SLC28A3: variants seen among roughly 807,000 people sequenced by gnomAD.
SLC28A3 encodes the protein solute carrier family 28 member 3.
SLC28A3 carries 68 observed loss-of-function variants against 84.2 expected under a neutral mutation model. The observed-to-expected ratio is 0.81, with a 90% CI of 0.66 to 0.99. The LOEUF (loss-of-function observed/expected upper bound fraction) is 0.99. Ranked by LOEUF, SLC28A3 falls within the 50% of genes least tolerant of loss-of-function variation. The pLI is 0.00. For missense variants in SLC28A3, 712 were observed against 841.5 expected (o/e 0.85, Z 1.90); for synonymous variants, 267 against 303.6 (o/e 0.88, Z 1.25).
chr9:84,297,772 T>C, intron 7 of SLC28A3, 134 bp downstream of exon 7: 1 of 737,790 alleles, frequency 1.4e-6, no homozygotes, highest in Non-Finnish European at 2.3e-6. Context: ...AAACTATTTG[T>C]CTAACCCATG....
intron 12 of SLC28A3, among the ~76,000 whole-genome samples, chr9:84,286,412 C>T (rs957923834): frequency 7.4e-5 from 11 of 149,394 alleles, no homozygotes; most frequent in African/African-American, 2.7e-4. Context: ...CCTTCCTCAG[C>T]CTCCTGAATA....
At chr9:84,357,747 A>G in the SLC28A3 span, among the ~76,000 whole-genome samples, 3 of 152,164 alleles carry the variant, frequency 2.0e-5, no homozygotes, top group South Asian at 2.1e-4. Context: ...AAAATAGCCC[A>G]TGAGGCTCAG....
At chr9:84,313,270 C>T (rs569101780) in intron 2 of SLC28A3, 89 bp downstream of exon 2, 25 of 1,087,680 alleles carry the variant, frequency 2.3e-5, no homozygotes, top group East Asian at 1.4e-4. Flanking sequence ...GCCAGTGGGG[C>T]GCCATGCTTT....
chr9:84,310,416 C>T, intron 2 of SLC28A3: 1 of 985,420 alleles, frequency 1.0e-6, no homozygotes, highest in Non-Finnish European at 1.2e-6. Flanking sequence ...TCCTACCTGT[C>T]TCCAGTCTCC....
At chr9:84,354,405 A>G in the SLC28A3 span, among the ~76,000 whole-genome samples, 1 of 152,244 alleles carries the variant, frequency 6.6e-6, no homozygotes, top group Non-Finnish European at 1.5e-5. Context: ...TACACCTAGG[A>G]CTTCTTGTGC....
At chr9:84,340,177 G>A (rs1827109065) in intron 1 of SLC28A3, among the ~76,000 whole-genome samples, 1 of 152,084 alleles carries the variant, frequency 6.6e-6, no homozygotes, top group African/African-American at 2.4e-5. Context: ...CATCTGACAG[G>A]GGCTCCAGGA....
chr9:84,326,000 G>T (rs1331168053), intron 1 of SLC28A3, among the ~76,000 whole-genome samples: 1 of 152,136 alleles, frequency 6.6e-6, no homozygotes, highest in Non-Finnish European at 1.5e-5. Context: ...CCTTGTGTGG[G>T]GTAGAAGTAG....
chr9:84,309,523 C>CAAAAAAAAAAAA (rs71366931), intron 3 of SLC28A3, 106 bp downstream of exon 3: 22 of 239,282 alleles, frequency 9.2e-5, no homozygotes, highest in African/African-American at 1.6e-4. Context: ...ACTCTTATCT[C>CAAAAAAAAAAAA]AAAAAAAAAA....
At chr9:84,354,888 G>A in the SLC28A3 span, among the ~76,000 whole-genome samples, 1 of 151,418 alleles carries the variant, frequency 6.6e-6, no homozygotes, top group African/African-American at 2.4e-5. Context: ...AAAGAAAAAA[G>A]GAAACTCTGA....
At chr9:84,281,450 ATAC>A (rs1234565739) in intron 14 of SLC28A3, among the ~76,000 whole-genome samples, 2 of 152,350 alleles carry the variant, frequency 1.3e-5, no homozygotes, top group Non-Finnish European at 2.9e-5. Flanking sequence ...CCACAATGAG[ATAC>A]TACTATGCCT....
At chr9:84,278,498 A>C in intron 17 of SLC28A3, 154 bp from the exon 18 acceptor site, 1 of 952,440 alleles carries the variant, frequency 1.0e-6, no homozygotes, top group Non-Finnish European at 1.5e-6. Context: ...ACACTGGGGA[A>C]TTTGTTTTGG....
chr9:84,300,644 GA>G (rs1825593034), intron 5 of SLC28A3, among the ~76,000 whole-genome samples: 2 of 152,214 alleles, frequency 1.3e-5, no homozygotes, highest in African/African-American at 4.8e-5. Context: ...TTGAGGGAGA[GA>G]ACTGGTCTTG....
intron 1 of SLC28A3, among the ~76,000 whole-genome samples, chr9:84,337,046 A>C (rs560843533): frequency 6.6e-6 from 1 of 152,086 alleles, no homozygotes; most frequent in East Asian, 1.9e-4. Context: ...TAATCCCAGC[A>C]CTTTGGAAGG....
chr9:84,280,999 C>T (rs1294573194), intron 14 of SLC28A3, 117 bp from the exon 15 acceptor site: 1 of 943,394 alleles, frequency 1.1e-6, no homozygotes, highest in Admixed American at 2.2e-5. Flanking sequence ...ATGCACAGTC[C>T]ATGGTATCAA....
intron 15 of SLC28A3, 78 bp downstream of exon 15, chr9:84,280,723 T>A: frequency 6.9e-7 from 1 of 1,449,058 alleles, no homozygotes; most frequent in Non-Finnish European, 9.7e-7. Context: ...TTTTCTGACA[T>A]AACAGTACAG....
chr9:84,280,174 CT>C (rs35540005), intron 15 of SLC28A3, 101 bp from the exon 16 acceptor site: 38,075 of 684,540 alleles, frequency 0.056, 82 homozygotes, highest in African/African-American at 0.07. Flanking sequence ...GGTCAGCTGA[CT>C]TTTTTTTTTT....
chr9:84,347,104 A>C, the SLC28A3 span, among the ~76,000 whole-genome samples: 2 of 150,768 alleles, frequency 1.3e-5, no homozygotes, highest in Admixed American at 1.3e-4. Flanking sequence ...TGAACCCAGG[A>C]GCACAGTTGC....
intron 8 of SLC28A3, among the ~76,000 whole-genome samples, chr9:84,294,682 A>G (rs1825351586): frequency 6.6e-6 from 1 of 151,986 alleles, no homozygotes; most frequent in Non-Finnish European, 1.5e-5. Flanking sequence ...AGCTGTAGAG[A>G]TCAGGTAAGG....
At chr9:84,292,633 A>G in intron 10 of SLC28A3, 35 bp downstream of exon 10, 1 of 1,519,830 alleles carries the variant, frequency 6.6e-7, no homozygotes, top group Non-Finnish European at 9.0e-7. Flanking sequence ...GATCCATTTC[A>G]ACAGATGTTT....
Sources: gnomAD v4.1 joint callset for allele counts (sites outside exome capture counted in the v4.1 genomes callset) on GRCh38, gnomAD v4.1.1 for gene constraint, MANE v1.5 for transcripts, NCBI Gene and HGNC (gene_info 2026-07-23, HGNC 2026-07-21) for gene names.